Variants in HDAC4 observed in about 807,000 individuals in gnomAD.
HDAC4 encodes the protein histone deacetylase A.
Under a neutral mutation model 135.1 loss-of-function variants are expected in HDAC4, and 16 were observed. That is an observed-to-expected ratio of 0.12 (90% CI 0.08 to 0.18). The LOEUF (loss-of-function observed/expected upper bound fraction) is 0.18, where lower values mean the gene tolerates loss of function less well. Among genes scored for constraint, HDAC4 ranks in the 10% least tolerant of loss-of-function variants. The probability of loss-of-function intolerance (pLI) is 1.00; values close to 1 mark genes in which losing one functional copy is unlikely to be tolerated. For missense variants in HDAC4, 1,143 were observed against 1,511.8 expected, an observed-to-expected ratio of 0.76 and a Z score of 4.05; for synonymous variants, 685 against 653.4, an observed-to-expected ratio of 1.05 and a Z score of -0.74.
intron 2 of HDAC4, among the ~76,000 whole-genome samples, chr2:239,255,867 G>A (rs942315333): frequency 2.0e-5 from 3 of 152,184 alleles, no homozygotes; most frequent in Non-Finnish European, 4.4e-5. Context: ...CGGAGAGCCC[G>A]TCTTTGGAAA....
At chr2:239,127,067 G>A (rs1368207334) in intron 11 of HDAC4, among the ~76,000 whole-genome samples, 2 of 152,210 alleles carry the variant, frequency 1.3e-5, no homozygotes, top group Admixed American at 1.3e-4. Flanking sequence ...GAACAGCACG[G>A]TGGGAGGGGA....
chr2:239,291,023 A>G (rs1470142016), intron 2 of HDAC4, among the ~76,000 whole-genome samples: 1 of 152,250 alleles, frequency 6.6e-6, no homozygotes, highest in Non-Finnish European at 1.5e-5. Flanking sequence ...AAAAGGAAAG[A>G]GCCGTTCAGA....
At chr2:239,126,837 C>G in intron 11 of HDAC4, 143 bp from the exon 12 acceptor site, 2 of 883,360 alleles carry the variant, frequency 2.3e-6, no homozygotes, top group African/African-American at 1.6e-5. Flanking sequence ...AGAGCTGGCT[C>G]GCTAACTGGG....
intron 2 of HDAC4, among the ~76,000 whole-genome samples, chr2:239,257,943 A>T (rs1400981043): frequency 6.6e-6 from 1 of 152,224 alleles, no homozygotes; most frequent in Non-Finnish European, 1.5e-5. Context: ...TATTTGCTGC[A>T]ATACCAGGAC....
intron 1 of HDAC4, among the ~76,000 whole-genome samples, chr2:239,353,621 T>G (rs186264111): frequency 1.3e-5 from 2 of 152,234 alleles, no homozygotes; most frequent in Admixed American, 6.5e-5. Context: ...CCAAAGGTCC[T>G]CTGGGGGATA....
chr2:239,171,363 C>T (rs1052079682), intron 5 of HDAC4, among the ~76,000 whole-genome samples: 1 of 152,058 alleles, frequency 6.6e-6, no homozygotes, highest in Non-Finnish European at 1.5e-5. Context: ...ATGTAAAATC[C>T]AATGGATGAG....
chr2:239,081,670 G>A (rs746986368), intron 21 of HDAC4, among the ~76,000 whole-genome samples: 4 of 152,206 alleles, frequency 2.6e-5, no homozygotes, highest in Admixed American at 6.5e-5. Context: ...GGCTCTGAAC[G>A]GGGACCTGGG....
In HDAC4 at chr2:239,056,224, AC is replaced by A. The variant is rs1462716064; in HGVS notation, c.3004-1392del. Among the ~76,000 whole-genome samples the A allele has an allele frequency of 5.3e-5, 8 of 152,232 alleles. No individual in the cohort carries two copies. In the East Asian group the frequency reaches 1.5e-3, roughly 29 times the overall value. ...GAAGCATGAGTTCCCAAACACAAAA[AC>A]CCCAAACAACACGGAAGTGAGTCAG... On this transcript the variant is annotated intron_variant, in intron 24 of 26. Coordinates refer to ENST00000543185, the MANE Select transcript of HDAC4 (RefSeq NM_001378414.1).
intron 13 of HDAC4, among the ~76,000 whole-genome samples, chr2:239,113,710 TTCA>T (rs1473277781): frequency 1.3e-5 from 2 of 152,192 alleles, no homozygotes; most frequent in African/African-American, 4.8e-5. Flanking sequence ...ATTTCAGATC[TTCA>T]TCAACTTACA....
rs2038345831 is a variant in HDAC4 at position 239,108,320 on chromosome 2, A to G, written c.1979-137T>C. 2.7e-6 allele frequency: 3 copies of G among 1,132,032 alleles called. No homozygotes were observed. In the South Asian group the frequency reaches 4.1e-5, roughly 16 times the overall value. The allele number at this position is 1,132,032 out of a possible 1,614,324, so 70.1% of individuals were successfully genotyped here. ...GGAAGCTGGGACGGTTCTTTAGAAA[A>G]ATACCACGTTTGCCAAGACTCCTTG... On this transcript the variant is annotated intron_variant, in intron 14 of 26. Transcript: ENST00000543185.
In HDAC4 at chr2:239,366,134, A is replaced by G. The variant is rs540850642; in HGVS notation, c.-219-13216T>C. Among the ~76,000 whole-genome samples, 66 of 93,988 alleles carry G rather than the reference A, an allele frequency of 7.0e-4. No individual in the cohort carries two copies. In the East Asian group the frequency reaches 0.015, roughly 21 times the overall value. 61.7% of individuals were successfully genotyped at this position (93,988 alleles called of 152,430 possible). A position where few individuals can be genotyped will look rare whatever the true frequency, so the allele number is the denominator to read the frequency against. On this transcript the variant is annotated intron_variant, in intron 1 of 26. Coordinates refer to ENST00000543185, the MANE Select transcript of HDAC4 (RefSeq NM_001378414.1). ...CACGCGTGTGGCACTGGCGGACACA[A>G]ACACGCATGCACAGAGCAGGGTCGT... is the stretch of plus-strand genomic sequence containing the variant.
intron 1 of HDAC4, among the ~76,000 whole-genome samples, chr2:239,380,400 T>C (rs1003647397): frequency 1.3e-5 from 2 of 152,254 alleles, no homozygotes; most frequent in South Asian, 4.1e-4. Context: ...AGACATATTT[T>C]ATCTATGTGT....
At chr2:239,066,377 G>A (rs1488854916) in intron 24 of HDAC4, among the ~76,000 whole-genome samples, 1 of 152,206 alleles carries the variant, frequency 6.6e-6, no homozygotes, top group African/African-American at 2.4e-5. Flanking sequence ...AGGAAACGAA[G>A]AGAGAAAGAA....
At chr2:239,367,076 C>T (rs1403904537) in intron 1 of HDAC4, among the ~76,000 whole-genome samples, 3 of 152,070 alleles carry the variant, frequency 2.0e-5, no homozygotes, top group Admixed American at 6.5e-5. Context: ...AGTGATCAGC[C>T]CCCAGGCCCC....
intron 2 of HDAC4, among the ~76,000 whole-genome samples, chr2:239,335,748 G>C (rs1691896577): frequency 6.6e-6 from 1 of 152,038 alleles, no homozygotes; most frequent in Admixed American, 6.5e-5. Flanking sequence ...AGTAATCTGG[G>C]AAATACAAAT....
At chr2:239,289,724 G>A (rs2051352380) in intron 2 of HDAC4, among the ~76,000 whole-genome samples, 1 of 151,876 alleles carries the variant, frequency 6.6e-6, no homozygotes. Flanking sequence ...AGAGCAGAGA[G>A]CACCCCCCAA....
In HDAC4 at chr2:239,383,641, C is replaced by T. The variant is rs115035583; in HGVS notation, c.-220+17337G>A. Among the ~76,000 whole-genome samples the T allele has an allele frequency of 9.0e-3, 1,377 of 152,274 alleles. 5 individuals carry two copies. Among genetic ancestry groups the T allele is most frequent in the Non-Finnish European group, 0.014 (968 of 68,020 alleles). On this transcript the variant is annotated intron_variant, in intron 1 of 26. Coordinates refer to ENST00000543185, the MANE Select transcript of HDAC4 (RefSeq NM_001378414.1). ...CCGATCAATCCATTACCATTTATTC[C>T]CTCTCTGTACCTGGTGGGAGAAAGC...
chr2:239,378,636 C>A (rs1314013121), intron 1 of HDAC4, among the ~76,000 whole-genome samples: 1 of 152,106 alleles, frequency 6.6e-6, no homozygotes, highest in Non-Finnish European at 1.5e-5. Flanking sequence ...CCCCGGGAAC[C>A]AAGAACCCCG....
intron 17 of HDAC4, among the ~76,000 whole-genome samples, chr2:239,092,063 T>C (rs1157707567): frequency 1.3e-5 from 2 of 151,990 alleles, no homozygotes; most frequent in Non-Finnish European, 2.9e-5. Context: ...AGAGCCAGAC[T>C]CCGTCTCAAA....
Sources: allele counts gnomAD v4.1 joint callset (sites outside exome capture counted in the v4.1 genomes callset), GRCh38; gene constraint gnomAD v4.1.1; transcripts MANE v1.5; gene names NCBI Gene and HGNC (gene_info 2026-07-23, HGNC 2026-07-21).